RIN3: variants seen among roughly 807,000 people sequenced by gnomAD.
RIN3 encodes the protein RAB5 interacting protein 3.
In RIN3, 54 loss-of-function variants were observed where a neutral mutation model predicts 76.3. The observed-to-expected ratio is 0.71, with a 90% CI of 0.57 to 0.89. The LOEUF (loss-of-function observed/expected upper bound fraction) is 0.89, where lower values mean the gene tolerates loss of function less well. Ranked by LOEUF, RIN3 falls within the 40% of genes least tolerant of loss-of-function variation. The probability of loss-of-function intolerance (pLI) is 0.00; values close to 1 mark genes in which losing one functional copy is unlikely to be tolerated. For missense variants in RIN3, 1,256 were observed against 1,322.1 expected (o/e 0.95, Z 0.78); for synonymous variants, 576 against 564.0 (o/e 1.02, Z -0.30).
chr14:92,600,862 G>A (rs2140087908), intron 3 of RIN3, among the ~76,000 whole-genome samples: 1 of 152,340 alleles, frequency 6.6e-6, no homozygotes, highest in South Asian at 2.1e-4. Context: ...CTAGATGCCA[G>A]TAGCATCACC....
chr14:92,665,976 G>T (rs1017270905), intron 7 of RIN3, among the ~76,000 whole-genome samples: 4 of 152,028 alleles, frequency 2.6e-5, no homozygotes, highest in Admixed American at 1.3e-4. Flanking sequence ...GCAGCTCTTT[G>T]TTGAGCCCTG....
intron 2 of RIN3, among the ~76,000 whole-genome samples, chr14:92,575,176 A>G (rs1005191066): frequency 3.8e-4 from 58 of 152,278 alleles, no homozygotes; most frequent in African/African-American, 1.3e-3. Flanking sequence ...TAGAATAACA[A>G]TGATTATGAT....
Position 92,610,909 on chromosome 14 carries a change from T to TC in RIN3, c.368-4494dup, listed in dbSNP as rs955789829. ...TGTGTAAAATGACAGTTTAGTAATA[T>TC]CCCCATTGACTGAACACACGGGCAC... On this transcript the variant is annotated intron_variant, in intron 3 of 9. Transcript: ENST00000216487. 2.2e-4 allele frequency among the ~76,000 whole-genome samples: 34 copies of TC among 152,210 alleles called. 1 individual carries two copies. Among genetic ancestry groups the TC allele is most frequent in the East Asian group, 1.4e-3 (7 of 5,182 alleles).
At chr14:92,590,548 C>A (rs1272776543) in intron 3 of RIN3, among the ~76,000 whole-genome samples, 1 of 152,212 alleles carries the variant, frequency 6.6e-6, no homozygotes, top group Non-Finnish European at 1.5e-5. Flanking sequence ...CAAGGTTTCA[C>A]CAGAAGCTGA....
At chr14:92,645,540 AAT>A (rs1887165306) in intron 5 of RIN3, among the ~76,000 whole-genome samples, 2 of 152,270 alleles carry the variant, frequency 1.3e-5, no homozygotes, top group Non-Finnish European at 2.9e-5. Flanking sequence ...ATTTGAATAA[AAT>A]GTCTAGAATA....
At chr14:92,576,227 C>G in intron 2 of RIN3, 2 of 1,276,244 alleles carry the variant, frequency 1.6e-6, no homozygotes, top group Non-Finnish European at 1.0e-6. Context: ...TGCCAAGACT[C>G]AAAGGACATT....
chr14:92,662,569 C>T (rs1036364436), intron 7 of RIN3, among the ~76,000 whole-genome samples: 1 of 152,186 alleles, frequency 6.6e-6, no homozygotes, highest in Non-Finnish European at 1.5e-5. Context: ...TGCATGTGGC[C>T]CAGCAGTTGG....
chr14:92,627,158 G>A (rs1886387122), intron 4 of RIN3, among the ~76,000 whole-genome samples: 1 of 152,172 alleles, frequency 6.6e-6, no homozygotes, highest in Non-Finnish European at 1.5e-5. Flanking sequence ...GTTGTACTAG[G>A]AGTGTTTCCC....
At chr14:92,664,328 C>G (rs960954013) in intron 7 of RIN3, among the ~76,000 whole-genome samples, 1 of 150,894 alleles carries the variant, frequency 6.6e-6, no homozygotes, top group Non-Finnish European at 1.5e-5. Flanking sequence ...TGTTAACATT[C>G]AACCCCCTCC....
chr14:92,663,823 C>T (rs1206872432), intron 7 of RIN3, among the ~76,000 whole-genome samples: 1 of 152,144 alleles, frequency 6.6e-6, no homozygotes, highest in African/African-American at 2.4e-5. Context: ...CTCCCTGGAC[C>T]TTTGTTTGTG....
chr14:92,614,226 G>C (rs552115391), intron 3 of RIN3, among the ~76,000 whole-genome samples: 2 of 152,306 alleles, frequency 1.3e-5, no homozygotes, highest in Non-Finnish European at 2.9e-5. Context: ...TGGGTGAGCT[G>C]TGCAGCCATT....
At chr14:92,550,561 A>G (rs1897396766) in intron 1 of RIN3, among the ~76,000 whole-genome samples, 1 of 152,140 alleles carries the variant, frequency 6.6e-6, no homozygotes, top group Non-Finnish European at 1.5e-5. Flanking sequence ...TACATGGGGC[A>G]CACGCCATCA....
chr14:92,688,086 G>A lies in RIN3; in HGVS notation c.2792G>A (p.Cys931Tyr), dbSNP rs748050403. 80 of 1,606,814 alleles carry A rather than the reference G, an allele frequency of 5.0e-5. No homozygotes were observed. The East Asian group carries it at 1.7e-3, about 35-fold the overall frequency. The change falls in exon 10 of 10, where the codon TGC becomes TAC. Residue 931 changes from cysteine to tyrosine, a missense_variant. Transcript: ENST00000216487. The part of the protein sequence containing the change: ...HRLFVLVDGR[C>Y]FQLADDALPH... Reference sequence around the variant, plus strand: ...CTGTTCGTGCTGGTGGACGGGCGCTGCTTCCAGCTGGCGGACGACGCGCTG... The same window carrying A: ...CTGTTCGTGCTGGTGGACGGGCGCTACTTCCAGCTGGCGGACGACGCGCTG...
rs1887435168 is a variant in RIN3 at position 92,651,767 on chromosome 14, A to T, written c.718A>T (p.Ile240Phe). 1 of 1,613,810 alleles carries T rather than the reference A, an allele frequency of 6.2e-7. No individual in the cohort carries two copies. Among genetic ancestry groups the T allele is most frequent in the Non-Finnish European group, 8.5e-7 (1 of 1,179,988 alleles). Residue 240 changes from isoleucine (I) to phenylalanine (F), a missense_variant, in exon 6 of 10, where the codon ATC becomes TTC. By Grantham distance (21) the Ile-to-Phe change is conservative (BLOSUM62 0). This residue lies in a region of RIN3 where 610 missense variants were observed against 626.4 expected (regional missense o/e 0.97). Coordinates refer to ENST00000216487, the MANE Select transcript of RIN3 (RefSeq NM_024832.5). ...CCTGTGGTTTGTGAATCCTATTTTC[A>T]TCGAGGACTGCAGCAGCGCCCTGCC... is the stretch of plus-strand genomic sequence containing the variant. ...DRLWFVNPIF[I>F]EDCSSALPTD...
At chr14:92,576,181 T>G (rs565537359) in intron 2 of RIN3, 2 of 1,223,780 alleles carry the variant, frequency 1.6e-6, no homozygotes, top group Admixed American at 2.7e-5. Flanking sequence ...TTCCAGAAGG[T>G]GTCACCTGCC....
At chr14:92,616,683 G>T (rs1305559103) in intron 4 of RIN3, among the ~76,000 whole-genome samples, 2 of 152,182 alleles carry the variant, frequency 1.3e-5, no homozygotes, top group African/African-American at 4.8e-5. Flanking sequence ...GTGGAGGCAG[G>T]ATAGCTTCTT....
At chr14:92,566,809 G>T (rs542135711) in intron 2 of RIN3, among the ~76,000 whole-genome samples, 11 of 152,190 alleles carry the variant, frequency 7.2e-5, no homozygotes, top group Non-Finnish European at 1.3e-4. Flanking sequence ...CTCTGGACCT[G>T]CCGCTTGAAT....
chr14:92,598,417 C>T (rs1030622701), intron 3 of RIN3, among the ~76,000 whole-genome samples: 1 of 152,216 alleles, frequency 6.6e-6, no homozygotes. Context: ...CCCAGCTGAG[C>T]CTTGCCAAAT....
chr14:92,684,842 C>A, intron 8 of RIN3, 145 bp from the exon 9 acceptor site: 1 of 863,336 alleles, frequency 1.2e-6, no homozygotes, highest in Non-Finnish European at 1.9e-6. Flanking sequence ...GGGTTGAGCT[C>A]AGCTGTTGAA....
Sources: gnomAD v4.1 joint callset for allele counts (sites outside exome capture counted in the v4.1 genomes callset) on GRCh38, gnomAD v4.1.1 for gene constraint, gnomAD v4.1.1 regional missense constraint, MANE v1.5 for transcripts, NCBI Gene and HGNC (gene_info 2026-07-23, HGNC 2026-07-21) for gene names.